Variants in ZNF33B observed in about 807,000 individuals in gnomAD.
The protein encoded by ZNF33B is zinc finger protein 33B, also known as zinc finger protein 11b (KOX 2).
Under a neutral mutation model 45.8 loss-of-function variants are expected in ZNF33B, and 29 were observed. The ratio of observed to expected loss-of-function variants is 0.63; its 90% CI spans 0.47 to 0.86. ZNF33B has a LOEUF of 0.86. Among genes scored for constraint, ZNF33B ranks in the 40% least tolerant of loss-of-function variants. The probability of loss-of-function intolerance (pLI) is 0.00; values close to 1 mark genes in which losing one functional copy is unlikely to be tolerated. For synonymous variants in ZNF33B, 305 were observed against 307.8 expected (o/e 0.99, Z 0.10); for missense variants, 831 against 909.9 (o/e 0.91, Z 1.12).
chr10:42,597,507 C>G (rs1362863413), intron 4 of ZNF33B, among the ~76,000 whole-genome samples: 1 of 151,992 alleles, frequency 6.6e-6, no homozygotes, highest in Non-Finnish European at 1.5e-5. Flanking sequence ...TTTGCAAATT[C>G]ATTTATTAAG....
intron 4 of ZNF33B, among the ~76,000 whole-genome samples, chr10:42,606,659 G>T (rs746550408): frequency 5.3e-5 from 8 of 151,170 alleles, no homozygotes; most frequent in African/African-American, 1.9e-4. Context: ...ACAGGGAGGG[G>T]AACAACACAC....
intron 4 of ZNF33B, among the ~76,000 whole-genome samples, chr10:42,607,096 T>G (rs1837893566): frequency 2.0e-5 from 3 of 152,200 alleles, no homozygotes; most frequent in Admixed American, 2.0e-4. Context: ...TGTTGGGTTT[T>G]AAATATATAT....
At chr10:42,634,379 C>G (rs1179528527) in intron 2 of ZNF33B, among the ~76,000 whole-genome samples, 2 of 150,976 alleles carry the variant, frequency 1.3e-5, no homozygotes, top group African/African-American at 4.8e-5. Flanking sequence ...TGCACTGCAG[C>G]CTGGGCAACT....
At position 42,623,875 on chromosome 10, in the gene ZNF33B, G is replaced by C. The variant is rs376521454; in HGVS notation, c.250+8054C>G. ...AACAATATATTGTCAAAATGCTCCA[G>C]CATCATTTGCTGAATACCTGACTGA... On this transcript the variant is annotated intron_variant, in intron 4 of 4. Transcript: ENST00000359467. Among the ~76,000 whole-genome samples the C allele has an allele frequency of 2.6e-5, 4 of 152,208 alleles. No individual in the cohort carries two copies. In the East Asian group the frequency reaches 7.7e-4, roughly 29 times the overall value.
At position 42,591,638 on chromosome 10, in the gene ZNF33B, A is replaced by T; in HGVS notation, c.*975T>A. The T allele has an allele frequency of 2.3e-6, 1 of 437,210 alleles. No individual in the cohort carries two copies. The highest frequency in any genetic ancestry group is 3.0e-6 in the Non-Finnish European group (1 of 328,980). 27.1% of individuals were successfully genotyped at this position (437,210 alleles called of 1,614,324 possible). Reference sequence around the variant, plus strand: ...AAACACACGATTTATATCACATACCACTTGTACATATGTAAGTCCTATGAA... The same window carrying T: ...AAACACACGATTTATATCACATACCTCTTGTACATATGTAAGTCCTATGAA... On this transcript the variant is annotated 3_prime_UTR_variant, in exon 5 of 5. Transcript: ENST00000359467.
chr10:42,594,125 A>G lies in ZNF33B; in HGVS notation c.825T>C (p.Tyr275=). Residue 275 remains tyrosine, a synonymous_variant, in exon 5 of 5, where the codon TAT becomes TAC. Transcript: ENST00000359467. ...AGAACTTCTCACAATCACTAAATTCATAGTGACTGTCCTTTGATGGAGGTA... is the reference window on the plus strand; with the variant it reads ...AGAACTTCTCACAATCACTAAATTCGTAGTGACTGTCCTTTGATGGAGGTA... ...HQIPPSKDSH[Y]EFSDCEKFLC... 6.2e-7 allele frequency: 1 copy of G among 1,614,022 alleles called. No individual in the cohort carries two copies. Among genetic ancestry groups the G allele is most frequent in the Non-Finnish European group, 8.5e-7 (1 of 1,179,940 alleles).
At chr10:42,576,670 G>A (rs1836753013) in intron 1 of ZNF33B, among the ~76,000 whole-genome samples, 2 of 152,182 alleles carry the variant, frequency 1.3e-5, no homozygotes, top group African/African-American at 4.8e-5. Context: ...GTCTGGAATA[G>A]GACCTGACTT....
chr10:42,635,977 A>C lies in ZNF33B; in HGVS notation c.9+943T>G, dbSNP rs1839284375. On this transcript the variant is annotated intron_variant, in intron 2 of 4. Transcript: ENST00000359467. ...AACCCCGTCTCTACTAAATCTACAA[A>C]AATTAGCCAGGTATGGTGGTGCACG... is the stretch of plus-strand genomic sequence containing the variant. 1.3e-5 allele frequency among the ~76,000 whole-genome samples: 2 copies of C among 151,726 alleles called. 1 individual carries two copies. The highest frequency in any genetic ancestry group is 4.2e-4 in the South Asian group (2 of 4,818).
chr10:42,583,984 C>A (rs548194191), intron 1 of ZNF33B, among the ~76,000 whole-genome samples: 2 of 152,196 alleles, frequency 1.3e-5, no homozygotes, highest in Admixed American at 1.3e-4. Flanking sequence ...AGCTGCAGCA[C>A]AGCAACCTGT....
intron 1 of ZNF33B, chr10:42,582,227 T>C (rs754610624): frequency 2.0e-5 from 3 of 152,356 alleles, no homozygotes; most frequent in Admixed American, 1.3e-4. Context: ...TTTTGGCTCA[T>C]AGGAGTCTCC....
intron 4 of ZNF33B, among the ~76,000 whole-genome samples, chr10:42,597,296 A>G (rs1476095222): frequency 6.6e-6 from 1 of 152,144 alleles, no homozygotes; most frequent in Non-Finnish European, 1.5e-5. Flanking sequence ...AGTATAGTAA[A>G]AAGTAAAATA....
At position 42,594,419 on chromosome 10, in the gene ZNF33B, T is replaced by C. The variant is rs1793575593; in HGVS notation, c.531A>G (p.Leu177=). ...SDEFNACGKL[L]LNIKHDETHT... Reference sequence around the variant, plus strand: ...GAGTTTCATCATGCTTAATATTGAGTAACAATTTCCCACATGCATTAAATT... The same window carrying C: ...GAGTTTCATCATGCTTAATATTGAGCAACAATTTCCCACATGCATTAAATT... Residue 177 remains leucine (L), a synonymous_variant, in exon 5 of 5, where the codon TTA becomes TTG. Coordinates refer to ENST00000359467, the MANE Select transcript of ZNF33B (RefSeq NM_006955.3). 6.2e-7 allele frequency: 1 copy of C among 1,613,612 alleles called. No homozygotes were observed.
At chr10:42,610,819 G>C (rs552137975) in intron 4 of ZNF33B, among the ~76,000 whole-genome samples, 1 of 152,248 alleles carries the variant, frequency 6.6e-6, no homozygotes, top group South Asian at 2.1e-4. Flanking sequence ...ATTTCATGTG[G>C]AAATTTAGGG....
Position 42,636,851 on chromosome 10 carries a change from C to T in ZNF33B, c.9+69G>A, listed in dbSNP as rs957269571. The T allele has an allele frequency of 5.2e-5, 84 of 1,606,512 alleles. 1 individual carries two copies. The Admixed American group carries it at 9.1e-4, about 17-fold the overall frequency. On this transcript the variant is annotated intron_variant, in intron 2 of 4. Transcript: ENST00000359467. ...TCACAAACAAAACAAAACAAAAAAACCATACTGACTCTTACAAATCTCACA... is the reference window on the plus strand; with the variant it reads ...TCACAAACAAAACAAAACAAAAAAATCATACTGACTCTTACAAATCTCACA...
At chr10:42,638,192 C>T (rs1352009068) in intron 1 of ZNF33B, among the ~76,000 whole-genome samples, 2 of 152,276 alleles carry the variant, frequency 1.3e-5, no homozygotes, top group African/African-American at 4.8e-5. Flanking sequence ...GAGAACTGCC[C>T]CTCCCGCAAG....
intron 4 of ZNF33B, among the ~76,000 whole-genome samples, chr10:42,616,040 A>T (rs1405294175): frequency 6.6e-6 from 1 of 152,072 alleles, no homozygotes; most frequent in African/African-American, 2.4e-5. Context: ...CCTGGCCAAC[A>T]TGGTGAAAAT....
At chr10:42,622,575 GGA>G (rs1352556212) in intron 4 of ZNF33B, among the ~76,000 whole-genome samples, 1 of 152,092 alleles carries the variant, frequency 6.6e-6, no homozygotes, top group African/African-American at 2.4e-5. Context: ...CTATTCACTG[GGA>G]GAAAGAAAAG....
In ZNF33B at chr10:42,592,909, T is replaced by C; in HGVS notation, c.2041A>G (p.Ile681Val). Residue 681 changes from isoleucine (I) to valine (V), a missense_variant, in exon 5 of 5, where the codon ATT (isoleucine) becomes GTT (valine). Coordinates refer to ENST00000359467, the MANE Select transcript of ZNF33B (RefSeq NM_006955.3). The part of the protein sequence containing the change: ...GKSFCVKSGL[I>V]LHERKHTGEK... Reference sequence around the variant, plus strand: ...CCCGTGTGCTTTCTCTCATGTAAAATAAGTCCTGACTTCACACAGAAAGAT... The same window carrying C: ...CCCGTGTGCTTTCTCTCATGTAAAACAAGTCCTGACTTCACACAGAAAGAT... 2.5e-6 allele frequency: 4 copies of C among 1,610,322 alleles called. No homozygotes were observed. Among genetic ancestry groups the C allele is most frequent in the Non-Finnish European group, 3.4e-6 (4 of 1,178,864 alleles).
At chr10:42,602,850 T>A (rs1837683770) in intron 4 of ZNF33B, among the ~76,000 whole-genome samples, 1 of 137,588 alleles carries the variant, frequency 7.3e-6, no homozygotes, top group Non-Finnish European at 1.7e-5. Context: ...CATTTCCTCA[T>A]ATACATGAGC....
Sources: gnomAD v4.1 joint callset for allele counts (sites outside exome capture counted in the v4.1 genomes callset) on GRCh38, gnomAD v4.1.1 for gene constraint, MANE v1.5 for transcripts, NCBI Gene and HGNC (gene_info 2026-07-23, HGNC 2026-07-21) for gene names.